LMNTD1: variants seen among roughly 807,000 people sequenced by gnomAD.
LMNTD1 encodes the protein lamin tail domain-containing protein 1.
A neutral mutation model predicts 50.9 loss-of-function variants in LMNTD1; 35 were observed. The ratio of observed to expected loss-of-function variants is 0.69; its 90% CI spans 0.53 to 0.91. LMNTD1 has a LOEUF of 0.91. LMNTD1 is among the 40% of genes least tolerant of loss of function. The pLI, the probability that LMNTD1 is intolerant of heterozygous loss-of-function variation, is 0.00. For missense variants in LMNTD1, 470 were observed against 475.5 expected, an observed-to-expected ratio of 0.99 and a Z score of 0.11; for synonymous variants, 153 against 161.9, an observed-to-expected ratio of 0.94 and a Z score of 0.42.
At chr12:25,593,197 C>A (rs1330693391) in intron 1 of LMNTD1, among the ~76,000 whole-genome samples, 1 of 152,066 alleles carries the variant, frequency 6.6e-6, no homozygotes, top group Admixed American at 6.5e-5. Context: ...CACTCACCAC[C>A]ATACTACCAT....
At chr12:25,515,897 A>G (rs114546670) in intron 8 of LMNTD1, among the ~76,000 whole-genome samples, 2,554 of 152,148 alleles carry the variant, frequency 0.017, 74 homozygotes, top group African/African-American at 0.058. Flanking sequence ...TAAATGGAGC[A>G]GGATTAAACA....
chr12:25,576,498 A>G (rs1945025244), intron 1 of LMNTD1, among the ~76,000 whole-genome samples: 3 of 152,188 alleles, frequency 2.0e-5, no homozygotes, highest in African/African-American at 7.2e-5. Flanking sequence ...TCTTTTGAGA[A>G]GTGTCTGTTC....
intron 4 of LMNTD1, among the ~76,000 whole-genome samples, chr12:25,545,744 A>T (rs1943389803): frequency 6.6e-6 from 1 of 151,668 alleles, no homozygotes; most frequent in South Asian, 2.1e-4. Context: ...TTTAGGAAAC[A>T]TGGCATAAAG....
intron 1 of LMNTD1, among the ~76,000 whole-genome samples, chr12:25,599,573 T>C (rs752128166): frequency 2.0e-5 from 3 of 152,018 alleles, no homozygotes; most frequent in Non-Finnish European, 4.4e-5. Context: ...ACCAAAAAAC[T>C]ATTAGAACTG....
At chr12:25,619,267 T>TAC (rs1411316654) in intron 1 of LMNTD1, among the ~76,000 whole-genome samples, 1 of 88,288 alleles carries the variant, frequency 1.1e-5, no homozygotes, top group African/African-American at 5.8e-5. Context: ...TATATATATA[T>TAC]ATATATATAT....
intron 4 of LMNTD1, 132 bp from the exon 5 acceptor site, chr12:25,527,087 G>T: frequency 1.9e-6 from 1 of 532,430 alleles, no homozygotes; most frequent in Non-Finnish European, 3.2e-6. Flanking sequence ...GTTCTATATA[G>T]GAATAGTATA....
intron 8 of LMNTD1, among the ~76,000 whole-genome samples, chr12:25,515,607 C>T (rs1438223480): frequency 6.6e-6 from 1 of 152,024 alleles, no homozygotes; most frequent in Non-Finnish European, 1.5e-5. Context: ...AAAATATTAA[C>T]ATGCATTCAT....
At chr12:25,647,191 T>G (rs1947091320) in intron 1 of LMNTD1, among the ~76,000 whole-genome samples, 1 of 152,232 alleles carries the variant, frequency 6.6e-6, no homozygotes. Flanking sequence ...ATAAATATGT[T>G]TCTGATAAAA....
intron 1 of LMNTD1, among the ~76,000 whole-genome samples, chr12:25,579,981 TATTA>T (rs1447415005): frequency 2.5e-4 from 38 of 152,252 alleles, no homozygotes; most frequent in African/African-American, 9.1e-4. Flanking sequence ...AGTAAAAACT[TATTA>T]GATTTGCTAA....
chr12:25,647,471 C>T (rs779985859), intron 1 of LMNTD1, among the ~76,000 whole-genome samples: 1 of 152,030 alleles, frequency 6.6e-6, no homozygotes, highest in Non-Finnish European at 1.5e-5. Flanking sequence ...GCCTGGGTGA[C>T]AGAGCCAGAT....
chr12:25,622,463 G>GCACC (rs1555124240), intron 1 of LMNTD1, among the ~76,000 whole-genome samples: 1 of 111,154 alleles, frequency 9.0e-6, no homozygotes, highest in Non-Finnish European at 2.0e-5. Flanking sequence ...GAGTTTGTGA[G>GCACC]CCCGCCCCCC....
intron 1 of LMNTD1, among the ~76,000 whole-genome samples, chr12:25,632,627 A>G (rs1946744272): frequency 6.6e-6 from 1 of 152,210 alleles, no homozygotes; most frequent in Admixed American, 6.5e-5. Context: ...AGCTACCACT[A>G]CAAGGACTGC....
intron 1 of LMNTD1, among the ~76,000 whole-genome samples, chr12:25,602,637 A>G (rs1946006674): frequency 6.6e-6 from 1 of 152,072 alleles, no homozygotes; most frequent in South Asian, 2.1e-4. Context: ...AGAAATAGCA[A>G]GAGTAAAACT....
chr12:25,586,003 T>A (rs1542562), intron 1 of LMNTD1: 75,185 of 151,992 alleles, frequency 0.49, 22,510 homozygotes, highest in Non-Finnish European at 0.68. Context: ...AATTCAGTTT[T>A]CCCATCTCAC....
chr12:25,601,161 C>T (rs1002249194), intron 1 of LMNTD1, among the ~76,000 whole-genome samples: 1 of 151,912 alleles, frequency 6.6e-6, no homozygotes, highest in South Asian at 2.1e-4. Flanking sequence ...ATGGATGGAA[C>T]TGGAGATCGT....
chr12:25,559,577 G>C (rs1185047899), intron 1 of LMNTD1, among the ~76,000 whole-genome samples: 1 of 152,078 alleles, frequency 6.6e-6, no homozygotes, highest in Non-Finnish European at 1.5e-5. Flanking sequence ...GGGATGGCTG[G>C]GTCAAATGGT....
At chr12:25,555,725 G>T (rs1002439486), upstream of LMNTD1, among the ~76,000 whole-genome samples, 1 of 152,086 alleles carries the variant, frequency 6.6e-6, no homozygotes, top group African/African-American at 2.4e-5. Context: ...AAAAAGTTGG[G>T]CCATGACTTG....
At chr12:25,541,022 A>T (rs990904052) in intron 4 of LMNTD1, among the ~76,000 whole-genome samples, 1 of 126,198 alleles carries the variant, frequency 7.9e-6, no homozygotes, top group African/African-American at 2.7e-5. Flanking sequence ...CTTACAAGGG[A>T]TGTGAAGGAC....
At chr12:25,578,219 T>C (rs150867427) in intron 1 of LMNTD1, among the ~76,000 whole-genome samples, 14 of 152,212 alleles carry the variant, frequency 9.2e-5, no homozygotes, top group African/African-American at 3.1e-4. Context: ...CTGAAATCCC[T>C]AAAATATAGC....
Sources: gnomAD v4.1 joint callset for allele counts (sites outside exome capture counted in the v4.1 genomes callset) on GRCh38, gnomAD v4.1.1 for gene constraint, MANE v1.5 for transcripts, NCBI Gene and HGNC (gene_info 2026-07-23, HGNC 2026-07-21) for gene names.